Variants in LRP1B observed in about 807,000 individuals in gnomAD.
The protein encoded by LRP1B is LDL receptor related protein 1B.
A neutral mutation model predicts 556.6 loss-of-function variants in LRP1B; 217 were observed. That is an observed-to-expected ratio of 0.39 (90% CI 0.35 to 0.44). The LOEUF (loss-of-function observed/expected upper bound fraction) is 0.44. Ranked by LOEUF, LRP1B falls within the 20% of genes least tolerant of loss-of-function variation. LRP1B has a pLI of 1.00. For synonymous variants in LRP1B, 2,047 were observed against 1,865.8 expected (o/e 1.10, Z -2.50); for missense variants, 5,053 against 5,620.8 (o/e 0.90, Z 3.23).
At chr2:141,197,986 AT>A (rs1681826196) in intron 6 of LRP1B, among the ~76,000 whole-genome samples, 1 of 152,010 alleles carries the variant, frequency 6.6e-6, no homozygotes, top group African/African-American at 2.4e-5. Flanking sequence ...CTACTCAATT[AT>A]TGCCCCATAA....
intron 74 of LRP1B, among the ~76,000 whole-genome samples, chr2:140,356,867 T>C (rs1290384007): frequency 1.3e-5 from 2 of 151,856 alleles, no homozygotes; most frequent in African/African-American, 4.8e-5. Flanking sequence ...ATTTAGGCAT[T>C]TATTGCTAAC....
intron 2 of LRP1B, among the ~76,000 whole-genome samples, chr2:141,554,642 C>T (rs1685894977): frequency 6.6e-6 from 1 of 151,860 alleles, no homozygotes; most frequent in South Asian, 2.1e-4. Context: ...ATGGATTTTA[C>T]ATTTTTTAAT....
chr2:141,544,381 T>TCTTCTTCTTCTTCTTCTTCTCCTCCTC (rs1685463294), intron 2 of LRP1B, among the ~76,000 whole-genome samples: 1 of 79,756 alleles, frequency 1.3e-5, no homozygotes, highest in Non-Finnish European at 2.6e-5. Flanking sequence ...TTCTTCTTCT[T>TCTTCTTCTTCTTCTTCTTCTCCTCCTC]CTCCTCCTCC....
At chr2:140,469,666 C>G (rs1451440770) in intron 60 of LRP1B, among the ~76,000 whole-genome samples, 2 of 152,076 alleles carry the variant, frequency 1.3e-5, no homozygotes, top group Admixed American at 6.6e-5. Context: ...TGAAAGATTT[C>G]AGGTATGGAT....
At chr2:141,612,676 T>C (rs1440713869) in intron 2 of LRP1B, among the ~76,000 whole-genome samples, 2 of 152,152 alleles carry the variant, frequency 1.3e-5, no homozygotes, top group Non-Finnish European at 2.9e-5. Flanking sequence ...TGAAAGATTC[T>C]TCACATTAAT....
rs199548410 is a variant in LRP1B, at chr2:140,272,258, A to C, written c.13143-1912T>G. Among the ~76,000 whole-genome samples the C allele has an allele frequency of 1.2e-4, 18 of 149,428 alleles. No homozygotes were observed. In the Middle Eastern group the frequency reaches 0.01, roughly 86 times the overall value. On this transcript the variant is annotated intron_variant, in intron 85 of 90. Coordinates refer to ENST00000389484, the MANE Select transcript of LRP1B (RefSeq NM_018557.3). ...GGCATTCAGCGTATGTGCACACACA[A>C]ACACACACACACACACACACACACA...
intron 9 of LRP1B, among the ~76,000 whole-genome samples, chr2:141,055,992 G>A (rs1699170028): frequency 6.6e-6 from 1 of 151,432 alleles, no homozygotes; most frequent in Non-Finnish European, 1.5e-5. Context: ...AGAAATAATA[G>A]GAATAATATA....
chr2:141,402,249 C>T (rs549829406), intron 3 of LRP1B, among the ~76,000 whole-genome samples: 2 of 152,144 alleles, frequency 1.3e-5, no homozygotes, highest in South Asian at 4.2e-4. Flanking sequence ...GTTTTCCCCT[C>T]CCATTTTCAG....
chr2:140,891,818 CTT>C (rs745337379), intron 23 of LRP1B, among the ~76,000 whole-genome samples: 5 of 152,162 alleles, frequency 3.3e-5, no homozygotes, highest in Admixed American at 6.6e-5. Context: ...TCAGCTGTCT[CTT>C]GACATTTTTT....
At chr2:141,145,627 G>T (rs570199533) in intron 7 of LRP1B, among the ~76,000 whole-genome samples, 2 of 149,878 alleles carry the variant, frequency 1.3e-5, no homozygotes, top group Admixed American at 1.3e-4. Context: ...TCTGCCTCCC[G>T]GGTTCAAGTG....
At chr2:140,269,793 C>A (rs1682377521) in intron 86 of LRP1B, among the ~76,000 whole-genome samples, 1 of 151,746 alleles carries the variant, frequency 6.6e-6, no homozygotes, top group Non-Finnish European at 1.5e-5. Context: ...GAGCCAGGGG[C>A]TTAATAGGTT....
Position 141,192,404 on chromosome 2 carries a change from C to G in LRP1B, c.851-3821G>C, listed in dbSNP as rs1052723054. On this transcript the variant is annotated intron_variant, in intron 6 of 90. Transcript: ENST00000389484. ...CATTTTTAGGAGCGAAGTGAATTTC[C>G]TAAAGTATTGAGTATTTTACCTTAA... Among the ~76,000 whole-genome samples the G allele has an allele frequency of 4.0e-5, 6 of 151,884 alleles. No individual in the cohort carries two copies. The East Asian group carries it at 1.2e-3, about 30-fold the overall frequency.
chr2:140,730,228 A>G (rs1001541306), intron 35 of LRP1B, among the ~76,000 whole-genome samples: 1 of 152,182 alleles, frequency 6.6e-6, no homozygotes, highest in Non-Finnish European at 1.5e-5. Flanking sequence ...ATTTATCTCA[A>G]ATACACTCTA....
chr2:140,364,126 G>A (rs1682644008), intron 72 of LRP1B, among the ~76,000 whole-genome samples: 1 of 151,560 alleles, frequency 6.6e-6, no homozygotes, highest in Admixed American at 6.6e-5. Flanking sequence ...GACTTTTTAA[G>A]TTTAAATGTT....
chr2:141,816,728 C>T (rs570367999), intron 1 of LRP1B, among the ~76,000 whole-genome samples: 21 of 152,220 alleles, frequency 1.4e-4, no homozygotes, highest in African/African-American at 5.1e-4. Context: ...AAATACACCA[C>T]CCATCCTCAA....
At chr2:141,705,216 A>T (rs1692093897) in intron 2 of LRP1B, among the ~76,000 whole-genome samples, 1 of 152,038 alleles carries the variant, frequency 6.6e-6, no homozygotes, top group African/African-American at 2.4e-5. Flanking sequence ...CCTATCTATG[A>T]TCAGAAAAAA....
At chr2:140,727,909 T>A (rs1458911892) in intron 35 of LRP1B, among the ~76,000 whole-genome samples, 1 of 152,128 alleles carries the variant, frequency 6.6e-6, no homozygotes, top group Non-Finnish European at 1.5e-5. Context: ...CAAAGGCAAA[T>A]CAATACAAAT....
intron 2 of LRP1B, among the ~76,000 whole-genome samples, chr2:141,542,492 A>G (rs1022296192): frequency 6.6e-6 from 1 of 152,074 alleles, no homozygotes. Flanking sequence ...TAATACCATG[A>G]CTTCCTGAAA....
At chr2:140,455,006 C>A (rs1241103653) in intron 62 of LRP1B, among the ~76,000 whole-genome samples, 1 of 152,110 alleles carries the variant, frequency 6.6e-6, no homozygotes, top group African/African-American at 2.4e-5. Flanking sequence ...CATTCCAAAG[C>A]AAGGGACCAA....
Sources: allele counts gnomAD v4.1 joint callset (sites outside exome capture counted in the v4.1 genomes callset), GRCh38; gene constraint gnomAD v4.1.1; transcripts MANE v1.5; gene names NCBI Gene and HGNC (gene_info 2026-07-23, HGNC 2026-07-21).